The following LPP variants were observed in gnomAD, a reference collection of about 807,000 sequenced individuals.
LPP encodes LIM domain containing preferred translocation partner in lipoma, also known as lipoma-preferred partner.
In LPP, 38 loss-of-function variants were observed where a neutral mutation model predicts 60.4. The observed-to-expected ratio is 0.63, with a 90% CI of 0.49 to 0.83. The LOEUF (loss-of-function observed/expected upper bound fraction) is 0.83, where lower values mean the gene tolerates loss of function less well. Among genes scored for constraint, LPP ranks in the 40% least tolerant of loss-of-function variants. LPP has a pLI of 0.00. For synonymous variants in LPP, 328 were observed against 290.8 expected (o/e 1.13, Z -1.30); for missense variants, 902 against 783.6 (o/e 1.15, Z -1.80).
At chr3:188,655,880 G>T (rs9290875) in intron 7 of LPP, among the ~76,000 whole-genome samples, 150,061 of 152,218 alleles carry the variant, frequency 0.99, 73,997 homozygotes, top group East Asian at 1. Context: ...TGCAAGCGGT[G>T]CTAATCTCAC....
chr3:188,388,474 CTGAT>C (rs1778895177), intron 3 of LPP, among the ~76,000 whole-genome samples: 1 of 152,084 alleles, frequency 6.6e-6, no homozygotes, highest in Non-Finnish European at 1.5e-5. Context: ...TAAGGCAACT[CTGAT>C]TGAAGGAGGA....
chr3:188,775,118 T>C (rs1387177178), intron 9 of LPP, among the ~76,000 whole-genome samples: 1 of 150,094 alleles, frequency 6.7e-6, no homozygotes, highest in Non-Finnish European at 1.5e-5. Context: ...AGTGGCACAA[T>C]CTTGGCTCAC....
chr3:188,575,515 A>T (rs1834416221), intron 6 of LPP, among the ~76,000 whole-genome samples: 1 of 152,156 alleles, frequency 6.6e-6, no homozygotes, highest in African/African-American at 2.4e-5. Flanking sequence ...CTGAAATGGT[A>T]CAGCTAGTAC....
chr3:188,497,784 G>C (rs1396313295), intron 5 of LPP, among the ~76,000 whole-genome samples: 1 of 152,180 alleles, frequency 6.6e-6, no homozygotes, highest in African/African-American at 2.4e-5. Flanking sequence ...AAGTAGAGAT[G>C]TGTCTAGAGG....
intron 2 of LPP, among the ~76,000 whole-genome samples, chr3:188,261,161 G>C (rs1733488340): frequency 6.6e-6 from 1 of 152,142 alleles, no homozygotes; most frequent in Admixed American, 6.5e-5. Flanking sequence ...TAGATTGTTT[G>C]TTTTTGAGAC....
rs79202173 is a variant in LPP at position 188,508,175 on chromosome 3, G to A, written c.307-16490G>A. ...TGGAGAAGGGGAACAAGAATCAAAA[G>A]CAATTTGGAAAGAGGGGGCTTATGG... On this transcript the variant is annotated intron_variant, in intron 5 of 11. Transcript: ENST00000617246. 4.0e-3 allele frequency among the ~76,000 whole-genome samples: 611 copies of A among 152,310 alleles called. 6 individuals carry two copies. Among genetic ancestry groups the A allele is most frequent in the African/African-American group, 0.013 (560 of 41,568 alleles).
intron 6 of LPP, among the ~76,000 whole-genome samples, chr3:188,607,533 T>C (rs78787055): frequency 0.02 from 3,054 of 151,814 alleles, 100 homozygotes; most frequent in African/African-American, 0.071. Flanking sequence ...AAGAAAACTA[T>C]GCCAACATTC....
chr3:188,396,195 G>A (rs945562907), intron 3 of LPP, among the ~76,000 whole-genome samples: 5 of 151,986 alleles, frequency 3.3e-5, no homozygotes, highest in South Asian at 2.1e-4. Context: ...ATGTCTTAAC[G>A]TTCATCAATA....
At chr3:188,388,678 A>G (rs935470614) in intron 3 of LPP, among the ~76,000 whole-genome samples, 1 of 152,232 alleles carries the variant, frequency 6.6e-6, no homozygotes, top group African/African-American at 2.4e-5. Context: ...ATGTTTCACA[A>G]TAAACCCTGA....
chr3:188,480,028 G>A (rs546876472), intron 4 of LPP, among the ~76,000 whole-genome samples: 62 of 152,270 alleles, frequency 4.1e-4, no homozygotes, highest in African/African-American at 1.4e-3. Flanking sequence ...TCTGACTGAC[G>A]CAAGTGTTAG....
At chr3:188,590,190 G>C (rs2151082911) in intron 6 of LPP, among the ~76,000 whole-genome samples, 1 of 152,264 alleles carries the variant, frequency 6.6e-6, no homozygotes, top group Non-Finnish European at 1.5e-5. Flanking sequence ...TCCTCATATA[G>C]ATGCTTTTTG....
rs968878671 is a variant in LPP, at chr3:188,257,633, T to C, written c.-67+32106T>C. ...GTTTCTCACTTTTGTTCTCAGTTCATAGTTTGGTCATGGAATGCAATTTTG... is the reference window on the plus strand; with the variant it reads ...GTTTCTCACTTTTGTTCTCAGTTCACAGTTTGGTCATGGAATGCAATTTTG... On this transcript the variant is annotated intron_variant, in intron 2 of 11. Transcript: ENST00000617246. Among the ~76,000 whole-genome samples, 56 of 152,242 alleles carry C rather than the reference T, an allele frequency of 3.7e-4. 1 individual carries two copies. The highest frequency in any genetic ancestry group is 7.3e-5 in the Non-Finnish European group (5 of 68,040).
At chr3:188,855,141 TTCAGA>T (rs1763524084) in intron 9 of LPP, among the ~76,000 whole-genome samples, 3 of 152,260 alleles carry the variant, frequency 2.0e-5, no homozygotes, top group African/African-American at 7.2e-5. Context: ...TGTGATTAAC[TTCAGA>T]TCATTTATAT....
intron 5 of LPP, among the ~76,000 whole-genome samples, chr3:188,494,040 T>G (rs981743606): frequency 6.6e-6 from 1 of 152,194 alleles, no homozygotes; most frequent in African/African-American, 2.4e-5. Flanking sequence ...AGCTTGCACT[T>G]AAACCTTTAT....
At chr3:188,328,730 G>C (rs963002457) in intron 2 of LPP, among the ~76,000 whole-genome samples, 1 of 152,152 alleles carries the variant, frequency 6.6e-6, no homozygotes, top group Non-Finnish European at 1.5e-5. Flanking sequence ...TCTTCAGCAG[G>C]TGTTTCATGG....
rs1054562441 is a variant in LPP, at chr3:188,230,170, C to T, written c.-67+4643C>T. ...GTGCGATCTTGGCTCACTGCAACCT[C>T]CGCCTCCAGGATTCAAGAGATTCTC... On this transcript the variant is annotated intron_variant, in intron 2 of 11. Transcript: ENST00000617246. 2.0e-5 allele frequency among the ~76,000 whole-genome samples: 3 copies of T among 151,856 alleles called. No individual in the cohort carries two copies. In the South Asian group the frequency reaches 6.2e-4, roughly 32 times the overall value.
intron 2 of LPP, among the ~76,000 whole-genome samples, chr3:188,267,805 A>C (rs935093624): frequency 5.3e-5 from 8 of 152,076 alleles, no homozygotes; most frequent in African/African-American, 1.9e-4. Context: ...CTCACTTTAG[A>C]TGATTCTTCT....
Position 188,489,295 on chromosome 3 carries a change from G to C in LPP, c.306+4591G>C, listed in dbSNP as rs534009537. ...AATTATGCTTTGGTCATCATACATT[G>C]ATCAGAAGCATAATCTAAGTCCTAG... On this transcript the variant is annotated intron_variant, in intron 5 of 11. Transcript: ENST00000617246. Among the ~76,000 whole-genome samples, 5 of 152,250 alleles carry C rather than the reference G, an allele frequency of 3.3e-5. No homozygotes were observed. The South Asian group carries it at 1.0e-3, about 32-fold the overall frequency.
intron 2 of LPP, among the ~76,000 whole-genome samples, chr3:188,278,728 G>T (rs1238569437): frequency 1.3e-5 from 2 of 152,030 alleles, no homozygotes; most frequent in East Asian, 1.9e-4. Context: ...AGATCTAGGG[G>T]CATTCTCGAG....
Sources: gnomAD v4.1 joint callset for allele counts (sites outside exome capture counted in the v4.1 genomes callset) on GRCh38, gnomAD v4.1.1 for gene constraint, MANE v1.5 for transcripts, NCBI Gene and HGNC (gene_info 2026-07-23, HGNC 2026-07-21) for gene names.